Variants in PTPRU observed in about 807,000 individuals in gnomAD.
PTPRU encodes the protein receptor-type tyrosine-protein phosphatase U.
In PTPRU, 69 loss-of-function variants were observed where a neutral mutation model predicts 166.3. The observed-to-expected ratio is 0.41, with a 90% CI of 0.34 to 0.51. PTPRU has a LOEUF of 0.51. Ranked by LOEUF, PTPRU falls within the 20% of genes least tolerant of loss-of-function variation. The pLI, the probability that PTPRU is intolerant of heterozygous loss-of-function variation, is 0.09. For missense variants in PTPRU, 1,657 were observed against 2,013.7 expected, an observed-to-expected ratio of 0.82 and a Z score of 3.39; for synonymous variants, 793 against 814.0, an observed-to-expected ratio of 0.97 and a Z score of 0.44.
intron 15 of PTPRU, among the ~76,000 whole-genome samples, chr1:29,294,861 A>G (rs7522742): frequency 0.29 from 43,650 of 151,938 alleles, 7,571 homozygotes; most frequent in East Asian, 0.64. Context: ...CGCACACCCC[A>G]TTTCTACAGA....
At position 29,315,040 on chromosome 1, in the gene PTPRU, A is replaced by G. The variant is rs985984646; in HGVS notation, c.3228-332A>G. Among the ~76,000 whole-genome samples, 2 of 152,182 alleles carry G rather than the reference A, an allele frequency of 1.3e-5. No homozygotes were observed. Among genetic ancestry groups the G allele is most frequent in the African/African-American group, 2.4e-5 (1 of 41,438 alleles). Reference sequence around the variant, plus strand: ...GAGATTTGGTGGTTTTCAGGAGGAAAGAACATTCTTGAATTAGCTCGGAGG... The same window carrying G: ...GAGATTTGGTGGTTTTCAGGAGGAAGGAACATTCTTGAATTAGCTCGGAGG... On this transcript the variant is annotated intron_variant, in intron 22 of 29. Coordinates refer to ENST00000373779, the MANE Select transcript of PTPRU (RefSeq NM_133178.4). The surrounding 1 kb of genome is among the most constrained non-coding windows in gnomAD (Gnocchi z 4.5).
At chr1:29,304,101 C>T (rs897681966) in intron 16 of PTPRU, 56 bp downstream of exon 16, 93 of 1,555,120 alleles carry the variant, frequency 6.0e-5, no homozygotes, top group Non-Finnish European at 8.0e-5. Context: ...CTGGCTCTTA[C>T]TCTCTGTGGA....
Position 29,280,257 on chromosome 1 carries a change from C to T in PTPRU, c.1868+116C>T, listed in dbSNP as rs1686002001. The T allele has an allele frequency of 9.6e-7, 1 of 1,038,238 alleles. No homozygotes were observed. The highest frequency in any genetic ancestry group is 1.4e-6 in the Non-Finnish European group (1 of 710,810). The allele number at this position is 1,038,238 out of a possible 1,614,324, so 64.3% of individuals were successfully genotyped here. The stretch of plus-strand genomic sequence containing the variant: ...CCTTTTCCTCCCTCAGTCTCCCACG[C>T]AGGGCTTGGAGTGTCTGGAGGAGAT... On this transcript the variant is annotated intron_variant, in intron 11 of 29. Coordinates refer to ENST00000373779, the MANE Select transcript of PTPRU (RefSeq NM_133178.4). This position sits in a 1 kb window ranked among gnomAD's most constrained non-coding sequence, Gnocchi z 4.2.
chr1:29,244,427 G>T lies in PTPRU; in HGVS notation c.73+7710G>T, dbSNP rs187935040. Among the ~76,000 whole-genome samples the T allele has an allele frequency of 2.6e-3, 318 of 121,124 alleles. 2 individuals are homozygous for T. The highest frequency in any genetic ancestry group is 0.011 in the African/African-American group (292 of 25,916). 79.5% of individuals were successfully genotyped at this position (121,124 alleles called of 152,430 possible). A position where few individuals can be genotyped will look rare whatever the true frequency, so the allele number is the denominator to read the frequency against. On this transcript the variant is annotated intron_variant, in intron 1 of 29. Transcript: ENST00000373779. ...TAGAACAAGGAGATGTGGGTGATAAGATAAGAGGTGGAGATAAGAGGTGAC... is the reference window on the plus strand; with the variant it reads ...TAGAACAAGGAGATGTGGGTGATAATATAAGAGGTGGAGATAAGAGGTGAC...
In PTPRU at chr1:29,311,741, C is replaced by T. The variant is rs1574713181; in HGVS notation, c.3054C>T (p.Arg1018=). The change falls in exon 21 of 30, where the codon CGC becomes CGT. Residue 1018 remains arginine, a synonymous_variant. Transcript: ENST00000373779. The surrounding 1 kb of genome is among the most constrained non-coding windows in gnomAD (Gnocchi z 4.1). ...KTETLAEYVV[R]TFALERRGYS... is the part of the protein sequence containing the mutation. ...AGACCCTGGCTGAGTATGTCGTGCG[C>T]ACTTTTGCCCTGGAGCGGGTGAGTC... The T allele has an allele frequency of 1.2e-6, 2 of 1,613,976 alleles. No homozygotes were observed. The highest frequency in any genetic ancestry group is 1.3e-5 in the African/African-American group (1 of 74,924).
intron 8 of PTPRU, among the ~76,000 whole-genome samples, chr1:29,276,065 T>A (rs1229143387): frequency 6.6e-6 from 1 of 152,234 alleles, no homozygotes; most frequent in Non-Finnish European, 1.5e-5. Context: ...CAGATTTTTT[T>A]ATTCTTGTAT....
chr1:29,279,958 A>G lies in PTPRU; in HGVS notation c.1766-81A>G. The G allele has an allele frequency of 7.2e-7, 1 of 1,381,542 alleles. No individual in the cohort carries two copies. The highest frequency in any genetic ancestry group is 1.2e-5 in the South Asian group (1 of 81,130). The allele number at this position is 1,381,542 out of a possible 1,614,324, so 85.6% of individuals were successfully genotyped here. On this transcript the variant is annotated intron_variant, in intron 10 of 29. Transcript: ENST00000373779. This position sits in a 1 kb window ranked among gnomAD's most constrained non-coding sequence, Gnocchi z 5.2. ...AGGCTGAAGTAGGGGAGATCTGAGG[A>G]CTGTGGTCAAGGAGGCTGGAAGCCT...
chr1:29,298,356 C>T (rs547063175), intron 15 of PTPRU, among the ~76,000 whole-genome samples: 1 of 152,242 alleles, frequency 6.6e-6, no homozygotes, highest in Non-Finnish European at 1.5e-5. Context: ...TTCTTCTCTG[C>T]CCTCCACTTG....
Position 29,236,732 on chromosome 1 carries a change from G to C in PTPRU, c.73+15G>C. 2 of 1,414,086 alleles carry C rather than the reference G, an allele frequency of 1.4e-6. No homozygotes were observed. Among genetic ancestry groups the C allele is most frequent in the Non-Finnish European group, 1.8e-6 (2 of 1,087,174 alleles). The allele number at this position is 1,414,086 out of a possible 1,614,324, so 87.6% of individuals were successfully genotyped here. A position where few individuals can be genotyped will look rare whatever the true frequency, so the allele number is the denominator to read the frequency against. ...GACTCCGGCAGGTAAGCGCGCGGCG[G>C]CCGGACCGAGCCTGCCCCGCCGAGC... On this transcript the variant is annotated intron_variant, in intron 1 of 29. Coordinates refer to ENST00000373779, the MANE Select transcript of PTPRU (RefSeq NM_133178.4). The surrounding 1 kb of genome is among the most constrained non-coding windows in gnomAD (Gnocchi z 4.6).
chr1:29,279,416 G>T lies in PTPRU; in HGVS notation c.1564-40G>T, dbSNP rs115259153. The stretch of plus-strand genomic sequence containing the variant: ...GGAGGCTGCTGGTCAGGGATGCTCT[G>T]ACCATCCAGTGCCCACCTGCCTGCC... On this transcript the variant is annotated intron_variant, in intron 9 of 29. Transcript: ENST00000373779. This position sits in a 1 kb window ranked among gnomAD's most constrained non-coding sequence, Gnocchi z 5.2. 1.0e-3 allele frequency: 1,582 copies of T among 1,582,286 alleles called. 16 individuals are homozygous for T. The African/African-American group carries it at 0.018, about 18-fold the overall frequency.
rs375162697 is a variant in PTPRU, at chr1:29,320,672, G to A, written c.3688-13G>A. The stretch of plus-strand genomic sequence containing the variant: ...CGGGAACAGGGCCCTGCTGAGTTCC[G>A]GTTTCCCTGCAGAGCTACACACGGA... On this transcript the variant is annotated splice_polypyrimidine_tract_variant and intron_variant, in intron 25 of 29. Transcript: ENST00000373779. The surrounding 1 kb of genome is among the most constrained non-coding windows in gnomAD (Gnocchi z 5.2). The A allele has an allele frequency of 1.7e-5, 27 of 1,562,390 alleles. No homozygotes were observed. Among genetic ancestry groups the A allele is most frequent in the Admixed American group, 3.5e-5 (2 of 56,782 alleles).
intron 2 of PTPRU, among the ~76,000 whole-genome samples, chr1:29,258,176 G>A (rs1684855938): frequency 6.6e-6 from 1 of 152,146 alleles, no homozygotes; most frequent in South Asian, 2.1e-4. Context: ...TATTGGTCAG[G>A]CTGGTCTCGA....
chr1:29,243,064 A>G (rs1025274535), intron 1 of PTPRU, among the ~76,000 whole-genome samples: 2 of 151,932 alleles, frequency 1.3e-5, no homozygotes, highest in African/African-American at 4.8e-5. Flanking sequence ...CGCTCGGCTA[A>G]TTTTTTGTAT....
Position 29,236,604 on chromosome 1 carries a change from C to A in PTPRU, c.-41C>A. ...TGGGCTCGGGCTCCGGGGGCGGCGT[C>A]CCCCGCGCCGGGCCCCGGGACGGGC... On this transcript the variant is annotated 5_prime_UTR_variant, in exon 1 of 30. Transcript: ENST00000373779. The surrounding 1 kb of genome is among the most constrained non-coding windows in gnomAD (Gnocchi z 4.6). The A allele has an allele frequency of 8.2e-7, 1 of 1,213,548 alleles. No individual in the cohort carries two copies. Among genetic ancestry groups the A allele is most frequent in the Non-Finnish European group, 1.0e-6 (1 of 976,196 alleles). The allele number at this position is 1,213,548 out of a possible 1,614,324, so 75.2% of individuals were successfully genotyped here.
chr1:29,273,873 A>G (rs1268283121), intron 7 of PTPRU, among the ~76,000 whole-genome samples: 4 of 152,110 alleles, frequency 2.6e-5, no homozygotes, highest in Non-Finnish European at 4.4e-5. Flanking sequence ...TGGATTTCGG[A>G]GCCAGCCTGA....
chr1:29,282,561 G>A, intron 11 of PTPRU, 115 bp from the exon 12 acceptor site: 1 of 1,367,928 alleles, frequency 7.3e-7, no homozygotes, highest in Non-Finnish European at 9.8e-7. Flanking sequence ...GGAGCAGTGT[G>A]TGGAAGTTAG....
chr1:29,240,885 C>T (rs1356795824), intron 1 of PTPRU, among the ~76,000 whole-genome samples: 3 of 10,532 alleles, frequency 2.8e-4, no homozygotes, highest in African/African-American at 6.0e-4. Flanking sequence ...CTAGGGTGGG[C>T]GGGTGGGGTC....
rs1688351092 is a variant in PTPRU, at chr1:29,325,186, T to G, written c.4113-5T>G. The G allele has an allele frequency of 6.2e-7, 1 of 1,614,020 alleles. No individual in the cohort carries two copies. Among genetic ancestry groups the G allele is most frequent in the South Asian group, 1.1e-5 (1 of 91,080 alleles). On this transcript the variant is annotated splice_polypyrimidine_tract_variant and splice_region_variant and intron_variant, in intron 28 of 29. Coordinates refer to ENST00000373779, the MANE Select transcript of PTPRU (RefSeq NM_133178.4). Reference sequence around the variant, plus strand: ...CGCCCCTCAGCTTTTGCATCTCTCATTCAGAAACGGGGGAGGACGCAGCGG... The same window carrying G: ...CGCCCCTCAGCTTTTGCATCTCTCAGTCAGAAACGGGGGAGGACGCAGCGG...
Position 29,291,572 on chromosome 1 carries a change from C to G in PTPRU, c.2319-297C>G, listed in dbSNP as rs1386587130. Among the ~76,000 whole-genome samples, 1 of 152,152 alleles carries G rather than the reference C, an allele frequency of 6.6e-6. No individual in the cohort carries two copies. Reference sequence around the variant, plus strand: ...GTGACTTTCTTTCCCATTTCCTAAGCCCAGGGGGCCAGTGAAACTTAGGAG... The same window carrying G: ...GTGACTTTCTTTCCCATTTCCTAAGGCCAGGGGGCCAGTGAAACTTAGGAG... On this transcript the variant is annotated intron_variant, in intron 14 of 29. Transcript: ENST00000373779. This position sits in a 1 kb window ranked among gnomAD's most constrained non-coding sequence, Gnocchi z 4.1.
Sources: allele counts gnomAD v4.1 joint callset (sites outside exome capture counted in the v4.1 genomes callset), GRCh38; gene constraint gnomAD v4.1.1; non-coding constraint Gnocchi (gnomAD v3.1); transcripts MANE v1.5; gene names NCBI Gene and HGNC (gene_info 2026-07-23, HGNC 2026-07-21).